Variants in KLHL18 observed in about 807,000 individuals in gnomAD.
The protein encoded by KLHL18 is kelch like family member 18.
A neutral mutation model predicts 58.5 loss-of-function variants in KLHL18; 38 were observed. That is an observed-to-expected ratio of 0.65 (90% CI 0.50 to 0.85). KLHL18 has a LOEUF of 0.85. Ranked by LOEUF, KLHL18 falls within the 40% of genes least tolerant of loss-of-function variation. The probability of loss-of-function intolerance (pLI) is 0.00; values close to 1 mark genes in which losing one functional copy is unlikely to be tolerated. For synonymous variants in KLHL18, 303 were observed against 301.9 expected (o/e 1.00, Z -0.04); for missense variants, 624 against 778.4 (o/e 0.80, Z 2.36).
chr3:47,288,090 G>C (rs994765139), intron 1 of KLHL18, among the ~76,000 whole-genome samples: 1 of 151,790 alleles, frequency 6.6e-6, no homozygotes, highest in East Asian at 1.9e-4. Context: ...ACATGCTGGC[G>C]CGGGCCTGTA....
intron 6 of KLHL18, among the ~76,000 whole-genome samples, 188 bp downstream of exon 6, chr3:47,335,007 G>A (rs1165264067): frequency 6.6e-6 from 1 of 152,190 alleles, no homozygotes; most frequent in African/African-American, 2.4e-5. Context: ...CAGAATATCA[G>A]TGCTAAAGAG....
In KLHL18 at chr3:47,340,676, A is replaced by G; in HGVS notation, c.1226A>G (p.Lys409Arg). 1.2e-6 allele frequency: 2 copies of G among 1,614,036 alleles called. No homozygotes were observed. The highest frequency in any genetic ancestry group is 1.7e-6 in the Non-Finnish European group (2 of 1,179,962). ...SVETYSPETD[K>R]WTVVTSMSSN... is the part of the protein sequence containing the mutation. ...GAGACCTACTCACCTGAGACGGACA[A>G]GTAAGGACTCCAGCTCCCTTGGGGC... Residue 409 changes from lysine (K) to arginine (R), a missense_variant and splice_region_variant, in exon 8 of 10, where the codon AAA (lysine) becomes AGA (arginine). Lys to Arg is a conservative substitution (Grantham distance 26, BLOSUM62 2). Transcript: ENST00000232766.
At chr3:47,286,755 C>T (rs1702684558) in intron 1 of KLHL18, among the ~76,000 whole-genome samples, 1 of 152,174 alleles carries the variant, frequency 6.6e-6, no homozygotes, top group Admixed American at 6.5e-5. Context: ...GATCTTCCTC[C>T]AGGCTTCTTC....
chr3:47,291,117 C>T lies in KLHL18; in HGVS notation c.129+8023C>T, dbSNP rs577785392. ...CTTGGGGATGTTTCTTAACTGCAGA[C>T]GGTTCCTTTATTATTCTGTACATGA... On this transcript the variant is annotated intron_variant, in intron 1 of 9. Transcript: ENST00000232766. 3.3e-5 allele frequency among the ~76,000 whole-genome samples: 5 copies of T among 152,290 alleles called. No homozygotes were observed. In the South Asian group the frequency reaches 1.0e-3, roughly 32 times the overall value.
intron 3 of KLHL18, 67 bp downstream of exon 3, chr3:47,322,775 G>A (rs115926470): frequency 0.018 from 26,410 of 1,456,256 alleles, 296 homozygotes; most frequent in Non-Finnish European, 0.022. Flanking sequence ...CTGCCAGTTT[G>A]CTGAGTTCTT....
intron 1 of KLHL18, among the ~76,000 whole-genome samples, chr3:47,319,374 C>T (rs1392798370): frequency 6.6e-6 from 1 of 152,230 alleles, no homozygotes; most frequent in Non-Finnish European, 1.5e-5. Flanking sequence ...AAAACGATTA[C>T]ATGAAACCAT....
rs2107582771 is a variant in KLHL18, at chr3:47,293,883, T to TAA, written c.129+10789_129+10790insAA. On this transcript the variant is annotated intron_variant, in intron 1 of 9. Transcript: ENST00000232766. ...ACAGTTGAAACTCTGGGATTGTCTTTGGCTCATCCTCTCTTATGTGTATTT... is the reference window on the plus strand; with the variant it reads ...ACAGTTGAAACTCTGGGATTGTCTTTAAGGCTCATCCTCTCTTATGTGTATTT... Among the ~76,000 whole-genome samples the TAA allele has an allele frequency of 2.6e-5, 4 of 152,352 alleles. No individual in the cohort carries two copies. The South Asian group carries it at 8.3e-4, about 32-fold the overall frequency.
chr3:47,309,842 A>C (rs1349985680), intron 1 of KLHL18, among the ~76,000 whole-genome samples: 1 of 152,222 alleles, frequency 6.6e-6, no homozygotes, highest in South Asian at 2.1e-4. Flanking sequence ...CACCAAAAAA[A>C]TAACGAAAAC....
intron 9 of KLHL18, 78 bp downstream of exon 9, chr3:47,342,908 A>G: frequency 4.4e-6 from 5 of 1,142,482 alleles, no homozygotes; most frequent in Non-Finnish European, 6.5e-6. Flanking sequence ...TTATTTGAAA[A>G]AACTTCAGCC....
At chr3:47,327,887 C>T (rs1316112500) in intron 3 of KLHL18, among the ~76,000 whole-genome samples, 4 of 152,252 alleles carry the variant, frequency 2.6e-5, no homozygotes, top group East Asian at 3.9e-4. Context: ...ACCTTAACGT[C>T]GGGGAAAAGA....
intron 1 of KLHL18, among the ~76,000 whole-genome samples, chr3:47,302,350 T>G (rs1442829354): frequency 6.6e-6 from 1 of 152,098 alleles, no homozygotes; most frequent in East Asian, 1.9e-4. Context: ...CTGGGTGTGG[T>G]GGCGTGCACC....
intron 4 of KLHL18, 93 bp downstream of exon 4, chr3:47,330,242 A>G (rs745518610): frequency 2.1e-5 from 24 of 1,150,856 alleles, no homozygotes; most frequent in South Asian, 6.6e-5. Flanking sequence ...CAAAGTTAAG[A>G]TCATGACATG....
In KLHL18 at chr3:47,321,348, T is replaced by A. The variant is rs566761419; in HGVS notation, c.261-1220T>A. On this transcript the variant is annotated intron_variant, in intron 2 of 9. Coordinates refer to ENST00000232766, the MANE Select transcript of KLHL18 (RefSeq NM_025010.5). ...GTTTTTTTTTTTTGTTTTGTTTTGTTTTGTTTTTTTTTTTTTGAGATGGAA... is the reference window on the plus strand; with the variant it reads ...GTTTTTTTTTTTTGTTTTGTTTTGTATTGTTTTTTTTTTTTTGAGATGGAA... Among the ~76,000 whole-genome samples, 89 of 151,248 alleles carry A rather than the reference T, an allele frequency of 5.9e-4. 1 individual carries two copies. The South Asian group carries it at 0.018, about 30-fold the overall frequency.
In KLHL18 at chr3:47,317,127, G is replaced by A. The variant is rs1366951216; in HGVS notation, c.130-2526G>A. Among the ~76,000 whole-genome samples, 8 of 152,074 alleles carry A rather than the reference G, an allele frequency of 5.3e-5. No homozygotes were observed. The South Asian group carries it at 1.7e-3, about 32-fold the overall frequency. ...TCTACTAGAAGACACATTTTTATTT[G>A]TTTGAGATGGAATCTCGTTCTTCTT... is the stretch of plus-strand genomic sequence containing the variant. On this transcript the variant is annotated intron_variant, in intron 1 of 9. Transcript: ENST00000232766.
At chr3:47,318,653 A>G (rs918754973) in intron 1 of KLHL18, among the ~76,000 whole-genome samples, 3 of 152,354 alleles carry the variant, frequency 2.0e-5, no homozygotes, top group South Asian at 2.1e-4. Context: ...AGATGGAGAA[A>G]AGTCCTAGAA....
chr3:47,311,285 C>T (rs1488120839), intron 1 of KLHL18, among the ~76,000 whole-genome samples: 1 of 152,080 alleles, frequency 6.6e-6, no homozygotes, highest in East Asian at 1.9e-4. Flanking sequence ...TTGAGTGTCC[C>T]ATCTATTTAG....
At chr3:47,305,562 C>T (rs114136355) in intron 1 of KLHL18, among the ~76,000 whole-genome samples, 1,712 of 151,846 alleles carry the variant, frequency 0.011, 40 homozygotes, top group African/African-American at 0.039. Context: ...GGATATTGGT[C>T]TGTACTTTTC....
In KLHL18 at chr3:47,334,834, C is replaced by T; in HGVS notation, c.898+15C>T. On this transcript the variant is annotated intron_variant, in intron 6 of 9. Transcript: ENST00000232766. This position sits in a 1 kb window ranked among gnomAD's most constrained non-coding sequence, Gnocchi z 4.7. ...CAACTCAGCAGGTACCTTGCGGCTC[C>T]CCTTTATAGACCCTCCTCTTGGACT... The T allele has an allele frequency of 1.2e-6, 2 of 1,603,388 alleles. No homozygotes were observed. Among genetic ancestry groups the T allele is most frequent in the Non-Finnish European group, 8.5e-7 (1 of 1,174,712 alleles).
chr3:47,300,637 C>CTTTTTTTTTTTTTTTTTT (rs10687949), intron 1 of KLHL18, among the ~76,000 whole-genome samples: 3 of 76,920 alleles, frequency 3.9e-5, no homozygotes, highest in African/African-American at 5.0e-5. Flanking sequence ...CATTGTGATT[C>CTTTTTTTTTTTTTTTTTT]TTTTTTTTTT....
Sources: allele counts gnomAD v4.1 joint callset (sites outside exome capture counted in the v4.1 genomes callset), GRCh38; gene constraint gnomAD v4.1.1; non-coding constraint Gnocchi (gnomAD v3.1); transcripts MANE v1.5; gene names NCBI Gene and HGNC (gene_info 2026-07-23, HGNC 2026-07-21).